Variants in IL1RAPL2 observed in about 807,000 individuals in gnomAD.
IL1RAPL2 encodes the protein interleukin 1 receptor accessory protein like 2.
In IL1RAPL2, 3 loss-of-function variants were observed where a neutral mutation model predicts 44.1. That is an observed-to-expected ratio of 0.07 (90% CI 0.03 to 0.18). The LOEUF (loss-of-function observed/expected upper bound fraction) is 0.18. Among genes scored for constraint, IL1RAPL2 ranks in the 10% least tolerant of loss-of-function variants. The pLI is 1.00. For synonymous variants in IL1RAPL2, 181 were observed against 178.8 expected, an observed-to-expected ratio of 1.01 and a Z score of -0.10; for missense variants, 391 against 496.4, an observed-to-expected ratio of 0.79 and a Z score of 2.02.
At chrX:105,339,268 A>G (rs1255600772) in intron 5 of IL1RAPL2, among the ~76,000 whole-genome samples, 1 of 111,937 alleles carries the variant, frequency 8.9e-6, no homozygotes, top group African/African-American at 3.2e-5. Flanking sequence ...ACTTTGTTAT[A>G]TGCCATGTAG....
At chrX:104,920,718 C>G (rs1470386107) in intron 2 of IL1RAPL2, among the ~76,000 whole-genome samples, 1 of 108,714 alleles carries the variant, frequency 9.2e-6, no homozygotes, top group African/African-American at 3.4e-5. Flanking sequence ...CTTAGGTATT[C>G]CTTTATAGCA....
At chrX:104,677,773 G>A (rs375747465) in intron 2 of IL1RAPL2, among the ~76,000 whole-genome samples, 1 of 112,182 alleles carries the variant, frequency 8.9e-6, no homozygotes, top group African/African-American at 3.2e-5. Flanking sequence ...GACCCTCCAT[G>A]CCAGTTGTGG....
chrX:104,789,504 T>A (rs1213137004), intron 2 of IL1RAPL2, among the ~76,000 whole-genome samples: 1 of 112,102 alleles, frequency 8.9e-6, no homozygotes, highest in Non-Finnish European at 1.9e-5. Context: ...ATGCATTTGT[T>A]ACTTGCCTGC....
At chrX:104,975,906 C>T (rs189523558) in intron 2 of IL1RAPL2, among the ~76,000 whole-genome samples, 7 of 111,017 alleles carry the variant, frequency 6.3e-5, no homozygotes, top group African/African-American at 2.3e-4. Flanking sequence ...CGAGGAGACT[C>T]CAGGGAGGGC....
Position 105,452,843 on chromosome X carries a change from C to A in IL1RAPL2, c.698-31470C>A, listed in dbSNP as rs140701403. On this transcript the variant is annotated intron_variant, in intron 5 of 10. Transcript: ENST00000372582. ...CCACAAAAGAATGAAAAATGAGAAT[C>A]CTGACAGATTTGGTGTTGGATTTTA... Among the ~76,000 whole-genome samples the A allele has an allele frequency of 5.4e-3, 608 of 112,189 alleles. 4 individuals are homozygous for A. The highest frequency in any genetic ancestry group is 0.019 in the African/African-American group (582 of 31,002).
chrX:105,068,537 T>C (rs2032166583), intron 2 of IL1RAPL2, among the ~76,000 whole-genome samples: 2 of 112,051 alleles, frequency 1.8e-5, no homozygotes, highest in East Asian at 5.6e-4. Flanking sequence ...ATGGCTTTTG[T>C]TTCTTCGATG....
At chrX:105,002,125 A>G (rs1238826043) in intron 2 of IL1RAPL2, among the ~76,000 whole-genome samples, 3 of 111,044 alleles carry the variant, frequency 2.7e-5, no homozygotes, top group Non-Finnish European at 3.8e-5. Context: ...ACCTCCTTCA[A>G]TGGGATCCTA....
intron 5 of IL1RAPL2, among the ~76,000 whole-genome samples, chrX:105,371,394 C>T (rs957037074): frequency 1.3e-4 from 14 of 111,075 alleles, no homozygotes; most frequent in African/African-American, 4.2e-4. Context: ...TAATCCATCT[C>T]GAGTTGATTT....
chrX:105,634,185 T>C (rs2037508991), intron 6 of IL1RAPL2, among the ~76,000 whole-genome samples: 1 of 110,836 alleles, frequency 9.0e-6, no homozygotes, highest in African/African-American at 3.3e-5. Flanking sequence ...ACTTTCCTAG[T>C]TCAAAAAGAG....
chrX:105,127,817 T>C (rs1218152743), intron 2 of IL1RAPL2, among the ~76,000 whole-genome samples: 1 of 111,012 alleles, frequency 9.0e-6, no homozygotes, highest in Non-Finnish European at 1.9e-5. Context: ...CAAACTAAAA[T>C]GCTTCAGTTT....
At chrX:105,701,022 T>C (rs1050003900) in intron 6 of IL1RAPL2, among the ~76,000 whole-genome samples, 1 of 111,242 alleles carries the variant, frequency 9.0e-6, no homozygotes, top group Non-Finnish European at 1.9e-5. Context: ...CCTATCTCCC[T>C]TTGGGACTTC....
chrX:105,200,119 C>T (rs1397518748), intron 3 of IL1RAPL2, among the ~76,000 whole-genome samples: 1 of 111,781 alleles, frequency 8.9e-6, no homozygotes, highest in Non-Finnish European at 1.9e-5. Flanking sequence ...CACCTAAAAT[C>T]TCCAGTTAGA....
intron 2 of IL1RAPL2, among the ~76,000 whole-genome samples, chrX:104,774,555 A>G (rs1932689108): frequency 9.0e-6 from 1 of 111,629 alleles, no homozygotes; most frequent in African/African-American, 3.3e-5. Flanking sequence ...GCTTCTCCCT[A>G]GAATCCAAAC....
At chrX:104,602,981 G>A (rs996463944) in intron 1 of IL1RAPL2, among the ~76,000 whole-genome samples, 1 of 111,648 alleles carries the variant, frequency 9.0e-6, no homozygotes, top group African/African-American at 3.3e-5. Context: ...GCTCTGATAA[G>A]GGTCAGACTA....
At chrX:105,629,129 A>G (rs768695629) in intron 6 of IL1RAPL2, among the ~76,000 whole-genome samples, 1 of 111,298 alleles carries the variant, frequency 9.0e-6, no homozygotes, top group South Asian at 3.8e-4. Flanking sequence ...ATAGCTTTCC[A>G]TTCAATTTTT....
intron 6 of IL1RAPL2, among the ~76,000 whole-genome samples, chrX:105,641,177 G>A (rs2037567229): frequency 9.4e-6 from 1 of 106,098 alleles, no homozygotes; most frequent in East Asian, 3.0e-4. Flanking sequence ...ACCCACAAAA[G>A]TACTTAATTT....
intron 2 of IL1RAPL2, among the ~76,000 whole-genome samples, chrX:104,931,551 G>A (rs1924898658): frequency 9.0e-6 from 1 of 111,071 alleles, no homozygotes; most frequent in Non-Finnish European, 1.9e-5. Context: ...TTCCACAGTG[G>A]GAGGCATGAA....
At chrX:104,922,938 G>T (rs1924681020) in intron 2 of IL1RAPL2, among the ~76,000 whole-genome samples, 2 of 110,959 alleles carry the variant, frequency 1.8e-5, no homozygotes, top group South Asian at 3.8e-4. Context: ...GGAGATAAAA[G>T]ATTAGATACA....
At chrX:104,897,406 G>T (rs1923685594) in intron 2 of IL1RAPL2, among the ~76,000 whole-genome samples, 1 of 111,937 alleles carries the variant, frequency 8.9e-6, no homozygotes, top group Admixed American at 9.5e-5. Flanking sequence ...TTCCTTTAGA[G>T]CCATTGTTCC....
Sources: allele counts gnomAD v4.1 joint callset (sites outside exome capture counted in the v4.1 genomes callset), GRCh38; gene constraint gnomAD v4.1.1; transcripts MANE v1.5; gene names NCBI Gene and HGNC (gene_info 2026-07-23, HGNC 2026-07-21).